The following MCTP2 variants were observed in gnomAD, a reference collection of about 807,000 sequenced individuals.
MCTP2 encodes the protein multiple C2 and transmembrane domain containing 2.
A neutral mutation model predicts 111.6 loss-of-function variants in MCTP2; 132 were observed. That is an observed-to-expected ratio of 1.18 (90% CI 1.03 to 1.37). The LOEUF (loss-of-function observed/expected upper bound fraction) is 1.37. MCTP2 is among the 40% of genes most tolerant of loss of function. MCTP2 has a pLI of 0.00. For missense variants in MCTP2, 1,183 were observed against 1,067.9 expected (o/e 1.11, Z -1.50); for synonymous variants, 395 against 387.7 (o/e 1.02, Z -0.22).
At chr15:94,240,614 T>C (rs1052966255) in intron 1 of MCTP2, among the ~76,000 whole-genome samples, 2 of 152,190 alleles carry the variant, frequency 1.3e-5, no homozygotes, top group Non-Finnish European at 2.9e-5. Context: ...GGAATCTTGC[T>C]AAACCCTGTT....
At chr15:94,362,082 TG>T (rs2152430680) in intron 10 of MCTP2, among the ~76,000 whole-genome samples, 1 of 152,220 alleles carries the variant, frequency 6.6e-6, no homozygotes, top group African/African-American at 2.4e-5. Context: ...TGAAGGTGCT[TG>T]GGTAAGATCA....
chr15:94,298,706 A>C lies in MCTP2; in HGVS notation c.441A>C (p.Gly147=), dbSNP rs751944398. 1.2e-6 allele frequency: 2 copies of C among 1,610,214 alleles called. No individual in the cohort carries two copies. ...GIFDLQKTSL[G]GDAPEEPEKL... ...TTGATCTTCAGAAAACTTCCCTTGG[A>C]GGGGATGCACCAGAAGAGCCAGAGG... is the stretch of plus-strand genomic sequence containing the variant. Residue 147 remains glycine (G), a synonymous_variant, in exon 2 of 23, where the codon GGA becomes GGC. Transcript: ENST00000357742.
chr15:94,469,132 G>T (rs1388414260), intron 20 of MCTP2, among the ~76,000 whole-genome samples: 22 of 152,064 alleles, frequency 1.4e-4, no homozygotes, highest in Non-Finnish European at 1.5e-5. Context: ...ATAACTTTGT[G>T]GTATTCCCTC....
intron 17 of MCTP2, among the ~76,000 whole-genome samples, chr15:94,437,917 G>C (rs73453769): frequency 0.022 from 3,319 of 151,622 alleles, 129 homozygotes; most frequent in African/African-American, 0.075. Context: ...TGGCTGTAAG[G>C]AAAAAGTTCA....
rs758612626 is a variant in MCTP2, at chr15:94,315,581, A to G, written c.581A>G (p.Tyr194Cys). The G allele has an allele frequency of 3.1e-6, 5 of 1,614,012 alleles. No homozygotes were observed. In the South Asian group the frequency reaches 3.3e-5, roughly 11 times the overall value. Residue 194 changes from tyrosine to cysteine, a missense_variant, in exon 4 of 23, where the codon TAC becomes TGC. Coordinates refer to ENST00000357742, the MANE Select transcript of MCTP2 (RefSeq NM_001385001.1). ...AGTAACCTCCCCAGCCCTTTTGCGT[A>G]CCTCCTCACCATACACCTGAAGGAA... Reference protein sequence around the residue: ...GLSNLPSPFAYLLTIHLKEGR... With the variant: ...GLSNLPSPFACLLTIHLKEGR...
intron 1 of MCTP2, among the ~76,000 whole-genome samples, chr15:94,243,624 C>T (rs1399101081): frequency 2.7e-5 from 4 of 148,288 alleles, no homozygotes; most frequent in African/African-American, 9.9e-5. Context: ...TGTGTATATA[C>T]GCATATGCGT....
chr15:94,263,801 GTGAA>G (rs2073345378), intron 1 of MCTP2, among the ~76,000 whole-genome samples: 1 of 152,238 alleles, frequency 6.6e-6, no homozygotes. Flanking sequence ...GCACGTGTCT[GTGAA>G]TGACCACAAA....
At chr15:94,371,793 A>G (rs1385435788) in intron 12 of MCTP2, among the ~76,000 whole-genome samples, 5 of 152,100 alleles carry the variant, frequency 3.3e-5, no homozygotes, top group Admixed American at 2.0e-4. Flanking sequence ...GCTTCAAGCA[A>G]TTCTCCTGCC....
intron 21 of MCTP2, among the ~76,000 whole-genome samples, chr15:94,474,359 TC>T (rs780467099): frequency 2.0e-5 from 3 of 152,190 alleles, no homozygotes; most frequent in Non-Finnish European, 4.4e-5. Context: ...GACTACAGTA[TC>T]ATTTTGCCTG....
chr15:94,394,348 G>A (rs60453487), intron 14 of MCTP2, among the ~76,000 whole-genome samples: 20,674 of 151,882 alleles, frequency 0.14, 1,607 homozygotes, highest in African/African-American at 0.17. Flanking sequence ...AACATTCCCC[G>A]GCACACAGTG....
chr15:94,281,536 G>T (rs1296921473), intron 1 of MCTP2, among the ~76,000 whole-genome samples: 2 of 152,114 alleles, frequency 1.3e-5, no homozygotes, highest in African/African-American at 4.8e-5. Flanking sequence ...TCTTTTAAGT[G>T]GGGTATTTAG....
At chr15:94,377,028 A>G (rs1401118641) in intron 12 of MCTP2, among the ~76,000 whole-genome samples, 1 of 152,168 alleles carries the variant, frequency 6.6e-6, no homozygotes, top group Non-Finnish European at 1.5e-5. Context: ...TTGTACTATG[A>G]TACTGACTTT....
In MCTP2 at chr15:94,390,114, G is replaced by GTATA. The variant is rs1215325329; in HGVS notation, c.1788+4604_1788+4607dup. ...TGTATATATATATATATATATATAT[G>GTATA]TATATATATATATATATACTTAGAT... On this transcript the variant is annotated intron_variant, in intron 14 of 22. Transcript: ENST00000357742. 1.6e-3 allele frequency among the ~76,000 whole-genome samples: 32 copies of GTATA among 20,084 alleles called. 1 individual carries two copies. The highest frequency in any genetic ancestry group is 4.6e-3 in the African/African-American group (32 of 6,976). The allele number at this position is 20,084 out of a possible 152,430, so 13.2% of individuals were successfully genotyped here.
chr15:94,251,786 C>T (rs1022395144), intron 1 of MCTP2, among the ~76,000 whole-genome samples: 1 of 152,148 alleles, frequency 6.6e-6, no homozygotes, highest in African/African-American at 2.4e-5. Flanking sequence ...AACACTGTTT[C>T]CTCATTGTCC....
chr15:94,481,214 CTCTA>C lies in MCTP2; in HGVS notation c.*2184_*2187del, dbSNP rs1369722765. 3.3e-5 allele frequency: 5 copies of C among 151,892 alleles called. No individual in the cohort carries two copies. Among genetic ancestry groups the C allele is most frequent in the African/African-American group, 1.2e-4 (5 of 41,328 alleles). 9.4% of individuals were successfully genotyped at this position (151,892 alleles called of 1,614,324 possible). On this transcript the variant is annotated 3_prime_UTR_variant, in exon 23 of 23. Transcript: ENST00000357742. Reference sequence around the variant, plus strand: ...TATCTTCCCATTTCTAGCCCTGTCTCTCTATCTTACAGGCATCTACACCTCAGCA... The same window carrying C: ...TATCTTCCCATTTCTAGCCCTGTCTCTCTTACAGGCATCTACACCTCAGCA...
chr15:94,388,201 C>T (rs1472795676), intron 14 of MCTP2, among the ~76,000 whole-genome samples: 1 of 152,164 alleles, frequency 6.6e-6, no homozygotes, highest in Non-Finnish European at 1.5e-5. Flanking sequence ...CTGTGTACAT[C>T]CAGGAATAAC....
At chr15:94,296,107 A>G (rs145200406) in intron 1 of MCTP2, among the ~76,000 whole-genome samples, 1 of 152,176 alleles carries the variant, frequency 6.6e-6, no homozygotes, top group East Asian at 1.9e-4. Flanking sequence ...CTGGTTTGAC[A>G]CTTCCCATTT....
rs1037853338 is a variant in MCTP2 at position 94,346,807 on chromosome 15, C to T, written c.1005+1643C>T. Among the ~76,000 whole-genome samples the T allele has an allele frequency of 5.3e-5, 8 of 151,772 alleles. No homozygotes were observed. In the East Asian group the frequency reaches 1.5e-3, roughly 29 times the overall value. ...GGGGAGTAGAAAAAATGTTGACGGC[C>T]TGGGTGAAGTTATCAAAAATATGAA... On this transcript the variant is annotated intron_variant, in intron 8 of 22. Transcript: ENST00000357742.
rs146959843 is a variant in MCTP2 at position 94,435,506 on chromosome 15, A to G, written c.2086-4670A>G. The stretch of plus-strand genomic sequence containing the variant: ...AAATGATTTCGATATTTTAATAATA[A>G]CTTTATACCATGGACTTTGCTGAAT... On this transcript the variant is annotated intron_variant, in intron 17 of 22. Transcript: ENST00000357742. Among the ~76,000 whole-genome samples, 18 of 152,002 alleles carry G rather than the reference A, an allele frequency of 1.2e-4. 1 individual carries two copies. In the East Asian group the frequency reaches 2.5e-3, roughly 21 times the overall value.
Sources: allele counts gnomAD v4.1 joint callset (sites outside exome capture counted in the v4.1 genomes callset), GRCh38; gene constraint gnomAD v4.1.1; transcripts MANE v1.5; gene names NCBI Gene and HGNC (gene_info 2026-07-23, HGNC 2026-07-21).